Variants in VTA1 observed in about 807,000 individuals in gnomAD.
VTA1 encodes the protein vesicle trafficking 1.
A neutral mutation model predicts 36.9 loss-of-function variants in VTA1; 24 were observed. The observed-to-expected ratio is 0.65, with a 90% CI of 0.47 to 0.91. VTA1 has a LOEUF of 0.91. Ranked by LOEUF, VTA1 falls within the 40% of genes least tolerant of loss-of-function variation. VTA1 has a pLI of 0.00. For missense variants in VTA1, 393 were observed against 377.2 expected (o/e 1.04, Z -0.35); for synonymous variants, 142 against 130.2 (o/e 1.09, Z -0.62).
chr6:142,161,084 C>CCT (rs1554218584), intron 1 of VTA1, among the ~76,000 whole-genome samples: 2 of 136,370 alleles, frequency 1.5e-5, no homozygotes, highest in East Asian at 2.5e-4. Context: ...TCCTTCCCCC[C>CCT]CCCCCCTTTT....
At chr6:142,166,343 T>G (rs775987102) in intron 2 of VTA1, 21 bp downstream of exon 2, 1 of 1,511,370 alleles carries the variant, frequency 6.6e-7, no homozygotes, top group South Asian at 1.2e-5. Context: ...CACTGATCAT[T>G]TATTTTCTGG....
chr6:142,179,665 A>G (rs1358191783), intron 4 of VTA1, among the ~76,000 whole-genome samples: 1 of 152,186 alleles, frequency 6.6e-6, no homozygotes, highest in East Asian at 1.9e-4. Context: ...AAGGAAGTTG[A>G]TCTGGGAAGG....
At chr6:142,208,824 T>C (rs771975267) in intron 7 of VTA1, among the ~76,000 whole-genome samples, 1 of 152,140 alleles carries the variant, frequency 6.6e-6, no homozygotes, top group Non-Finnish European at 1.5e-5. Flanking sequence ...CATTCAAATA[T>C]GAAGGAAAGA....
rs1306457724 is a variant in VTA1, at chr6:142,170,363, T to C, written c.353T>C (p.Phe118Ser). 1 of 1,608,424 alleles carries C rather than the reference T, an allele frequency of 6.2e-7. No homozygotes were observed. Among genetic ancestry groups the C allele is most frequent in the Non-Finnish European group, 8.5e-7 (1 of 1,177,182 alleles). Residue 118 changes from phenylalanine (F) to serine (S), a missense_variant, in exon 4 of 8, where the codon TTC becomes TCC. Transcript: ENST00000367630. ...GRFHKNMIKS[F>S]YTASLLIDVI... ...TCTTCCAGAAACATGATCAAGTCCT[T>C]CTATACTGCAAGTCTTTTGATAGAT...
At chr6:142,207,662 A>G (rs1410414532) in intron 7 of VTA1, among the ~76,000 whole-genome samples, 1 of 152,150 alleles carries the variant, frequency 6.6e-6, no homozygotes, top group Non-Finnish European at 1.5e-5. Context: ...AAATATATGC[A>G]ATAAAAACCA....
intron 4 of VTA1, among the ~76,000 whole-genome samples, chr6:142,185,931 A>G (rs1251516667): frequency 2.0e-5 from 3 of 152,202 alleles, no homozygotes; most frequent in Admixed American, 6.5e-5. Flanking sequence ...GGTATAAACA[A>G]CAGATAGACT....
chr6:142,186,620 A>G (rs977454992), intron 4 of VTA1, among the ~76,000 whole-genome samples: 6 of 152,124 alleles, frequency 3.9e-5, no homozygotes, highest in Admixed American at 3.3e-4. Context: ...CCTCCCATTT[A>G]CTTGAGAGTG....
At chr6:142,191,265 C>T (rs1349763413) in intron 5 of VTA1, among the ~76,000 whole-genome samples, 1 of 151,976 alleles carries the variant, frequency 6.6e-6, no homozygotes, top group Non-Finnish European at 1.5e-5. Flanking sequence ...TTTGTGAAAC[C>T]AACTAGCTGT....
At chr6:142,177,167 A>G (rs1021520041) in intron 4 of VTA1, among the ~76,000 whole-genome samples, 29 of 152,240 alleles carry the variant, frequency 1.9e-4, no homozygotes, top group African/African-American at 7.0e-4. Flanking sequence ...ATGTCTAATT[A>G]CAGTAGAAAT....
At chr6:142,194,160 T>C (rs1176019946) in intron 5 of VTA1, among the ~76,000 whole-genome samples, 2 of 152,178 alleles carry the variant, frequency 1.3e-5, no homozygotes, top group Non-Finnish European at 2.9e-5. Flanking sequence ...CTAGTGGACC[T>C]GTTTGGATTT....
intron 7 of VTA1, among the ~76,000 whole-genome samples, chr6:142,209,317 G>A (rs971638124): frequency 6.6e-6 from 1 of 151,500 alleles, no homozygotes; most frequent in Non-Finnish European, 1.5e-5. Flanking sequence ...TAAAATACCT[G>A]GGAACCGATC....
At position 142,147,386 on chromosome 6, in the gene VTA1, G is replaced by A. The variant is rs768176398; in HGVS notation, c.99G>A (p.Val33=). The A allele has an allele frequency of 3.1e-6, 5 of 1,613,954 alleles. No homozygotes were observed. The African/African-American group carries it at 5.3e-5, about 17-fold the overall frequency. ...AGGAGCATGACAAGCGAGACCCTGTGGTGGCTTATTACTGTGAGTCTTTCC... is the reference window on the plus strand; with the variant it reads ...AGGAGCATGACAAGCGAGACCCTGTAGTGGCTTATTACTGTGAGTCTTTCC... ...TAQEHDKRDP[V]VAYYCRLYAM... is the part of the protein sequence containing the mutation. The change falls in exon 1 of 8, where the codon GTG becomes GTA. Residue 33 remains valine (V), a synonymous_variant. Coordinates refer to ENST00000367630, the MANE Select transcript of VTA1 (RefSeq NM_016485.5).
At chr6:142,169,410 T>C in intron 2 of VTA1, 140 bp from the exon 3 acceptor site, 2 of 986,560 alleles carry the variant, frequency 2.0e-6, no homozygotes, top group Non-Finnish European at 2.9e-6. Flanking sequence ...GCAGCTCTTT[T>C]TGCAAGATTT....
At chr6:142,217,611 A>G (rs1372814450) in intron 7 of VTA1, among the ~76,000 whole-genome samples, 2 of 151,822 alleles carry the variant, frequency 1.3e-5, no homozygotes, top group Non-Finnish European at 2.9e-5. Flanking sequence ...AAAAGCAACT[A>G]AACGAAGTCA....
intron 3 of VTA1, 55 bp from the exon 4 acceptor site, chr6:142,170,291 A>C: frequency 7.4e-7 from 1 of 1,344,148 alleles, no homozygotes. Context: ...AAATGACAAA[A>C]CTACATTTTA....
At chr6:142,166,779 C>T (rs536889715) in intron 2 of VTA1, among the ~76,000 whole-genome samples, 4 of 152,158 alleles carry the variant, frequency 2.6e-5, no homozygotes, top group South Asian at 4.1e-4. Flanking sequence ...ACGCTAAACG[C>T]GCCCGGCTAG....
intron 7 of VTA1, among the ~76,000 whole-genome samples, chr6:142,218,135 A>G (rs570977363): frequency 6.6e-6 from 1 of 152,302 alleles, no homozygotes; most frequent in African/African-American, 2.4e-5. Context: ...TGATACTTAC[A>G]TTCCAGCTCA....
chr6:142,159,351 G>A (rs573642257), intron 1 of VTA1, among the ~76,000 whole-genome samples: 4 of 151,770 alleles, frequency 2.6e-5, no homozygotes, highest in Non-Finnish European at 5.9e-5. Flanking sequence ...GCAACAGAAC[G>A]AGACCCCATC....
At chr6:142,187,066 G>C (rs1775354297) in intron 4 of VTA1, among the ~76,000 whole-genome samples, 1 of 152,124 alleles carries the variant, frequency 6.6e-6, no homozygotes, top group Non-Finnish European at 1.5e-5. Context: ...TAAAAGAGAA[G>C]TTAGAAATTT....
Sources: allele counts gnomAD v4.1 joint callset (sites outside exome capture counted in the v4.1 genomes callset), GRCh38; gene constraint gnomAD v4.1.1; transcripts MANE v1.5; gene names NCBI Gene and HGNC (gene_info 2026-07-23, HGNC 2026-07-21).